Variants in CLCC1 observed in about 807,000 individuals in gnomAD.
CLCC1 encodes the protein chloride channel CLIC-like protein 1.
A neutral mutation model predicts 63.3 loss-of-function variants in CLCC1; 39 were observed. That is an observed-to-expected ratio of 0.62 (90% CI 0.48 to 0.81). The LOEUF (loss-of-function observed/expected upper bound fraction) is 0.81, where lower values mean the gene tolerates loss of function less well. Among genes scored for constraint, CLCC1 ranks in the 30% least tolerant of loss-of-function variants. The probability of loss-of-function intolerance (pLI) is 0.00; values close to 1 mark genes in which losing one functional copy is unlikely to be tolerated. For missense variants in CLCC1, 549 were observed against 669.4 expected, an observed-to-expected ratio of 0.82 and a Z score of 1.98; for synonymous variants, 217 against 239.8, an observed-to-expected ratio of 0.90 and a Z score of 0.88.
rs1014518280 is a variant in CLCC1, at chr1:108,963,435, C to T, written c.-247G>A. 2.8e-6 allele frequency: 2 copies of T among 702,336 alleles called. No homozygotes were observed. Among genetic ancestry groups the T allele is most frequent in the African/African-American group, 3.5e-5 (2 of 57,268 alleles). 43.5% of individuals were successfully genotyped at this position (702,336 alleles called of 1,614,324 possible). The stretch of plus-strand genomic sequence containing the variant: ...CCGCAGAAGAGGTCGCACAGCTTGC[C>T]GCCGCCCAGGGTTTCAGCGTGCTTC... On this transcript the variant is annotated 5_prime_UTR_variant, in exon 1 of 13. Coordinates refer to ENST00000369969, the MANE Select transcript of CLCC1 (RefSeq NM_001377458.1).
Position 108,949,819 on chromosome 1 carries a change from C to T in CLCC1, c.231+1G>A. ...TAAAATTTATCAATAAAAAAACTAA[C>T]CTTATAAGTTAAAGAATCAAGTTTG... On this transcript the variant is annotated splice_donor_variant, in intron 4 of 12. Coordinates refer to ENST00000369969, the MANE Select transcript of CLCC1 (RefSeq NM_001377458.1). LOFTEE classifies it high-confidence loss of function. 1 of 1,512,936 alleles carries T rather than the reference C, an allele frequency of 6.6e-7. No individual in the cohort carries two copies. Among genetic ancestry groups the T allele is most frequent in the South Asian group, 1.3e-5 (1 of 78,042 alleles). 93.7% of individuals were successfully genotyped at this position (1,512,936 alleles called of 1,614,324 possible).
chr1:108,938,394 A>T (rs1181329187), intron 10 of CLCC1, among the ~76,000 whole-genome samples: 1 of 152,190 alleles, frequency 6.6e-6, no homozygotes, highest in Non-Finnish European at 1.5e-5. Flanking sequence ...CTATAGAACT[A>T]ATGTCACCTA....
chr1:108,947,711 T>C lies in CLCC1; in HGVS notation c.239A>G (p.Glu80Gly). The C allele has an allele frequency of 6.3e-7, 1 of 1,599,332 alleles. No individual in the cohort carries two copies. The change falls in exon 5 of 13, where the codon GAG becomes GGG. Residue 80 changes from glutamate to glycine, a missense_variant. Coordinates refer to ENST00000369969, the MANE Select transcript of CLCC1 (RefSeq NM_001377458.1). ...GTCTTCCCTCTTTTTCTTTTCACAC[T>C]CATCAATCTGTAACCATAAAATCAA... ...KLDSLTYKID[E>G]CEKKKREDYE...
In CLCC1 at chr1:108,930,059, T is replaced by C; in HGVS notation, c.*2488A>G. ...AGCTTAAAATATTTTTAGAATGATGTAAATAGTTAACCTTCAGTAGTCTAT... is the reference window on the plus strand; with the variant it reads ...AGCTTAAAATATTTTTAGAATGATGCAAATAGTTAACCTTCAGTAGTCTAT... On this transcript the variant is annotated 3_prime_UTR_variant, in exon 13 of 13. Coordinates refer to ENST00000369969, the MANE Select transcript of CLCC1 (RefSeq NM_001377458.1). The C allele has an allele frequency of 1.1e-6, 1 of 942,042 alleles. No individual in the cohort carries two copies. Among genetic ancestry groups the C allele is most frequent in the Non-Finnish European group, 1.6e-6 (1 of 619,668 alleles). The allele number at this position is 942,042 out of a possible 1,614,324, so 58.4% of individuals were successfully genotyped here.
chr1:108,949,222 T>C (rs1419159603), intron 4 of CLCC1, among the ~76,000 whole-genome samples: 1 of 152,190 alleles, frequency 6.6e-6, no homozygotes, highest in Non-Finnish European at 1.5e-5. Flanking sequence ...ATTCCAGGCC[T>C]CACCTCCTTA....
intron 7 of CLCC1, among the ~76,000 whole-genome samples, chr1:108,942,743 C>T (rs1415613768): frequency 6.6e-6 from 1 of 152,110 alleles, no homozygotes; most frequent in Non-Finnish European, 1.5e-5. Context: ...AAATTAATTT[C>T]CTTGTATCTG....
intron 2 of CLCC1, among the ~76,000 whole-genome samples, chr1:108,955,513 T>C (rs1178338544): frequency 1.3e-5 from 2 of 151,208 alleles, no homozygotes; most frequent in East Asian, 3.9e-4. Flanking sequence ...TTCAAGAGGG[T>C]CGCCTGCTTC....
rs372170284 is a variant in CLCC1, at chr1:108,939,800, C to G, written c.895-18G>C. The G allele has an allele frequency of 1.9e-5, 30 of 1,610,256 alleles. No individual in the cohort carries two copies. The African/African-American group carries it at 3.9e-4, about 21-fold the overall frequency. On this transcript the variant is annotated intron_variant, in intron 9 of 12. Coordinates refer to ENST00000369969, the MANE Select transcript of CLCC1 (RefSeq NM_001377458.1). ...GCAAGTGCCTAAAACGAGAGAAAAG[C>G]AACTTAATTTTCTCCTCACAGGACT...
chr1:108,931,209 C>A lies in CLCC1; in HGVS notation c.*1338G>T. ...GTGGTTAGGTCAAGAACCTAGGACACATAAACAAACAGAAAACAGATGAAA... is the reference window on the plus strand; with the variant it reads ...GTGGTTAGGTCAAGAACCTAGGACAAATAAACAAACAGAAAACAGATGAAA... On this transcript the variant is annotated 3_prime_UTR_variant, in exon 13 of 13. Coordinates refer to ENST00000369969, the MANE Select transcript of CLCC1 (RefSeq NM_001377458.1). The A allele has an allele frequency of 1.6e-6, 2 of 1,231,286 alleles. No homozygotes were observed. The highest frequency in any genetic ancestry group is 1.1e-6 in the Non-Finnish European group (1 of 914,234). The allele number at this position is 1,231,286 out of a possible 1,614,324, so 76.3% of individuals were successfully genotyped here. A position where few individuals can be genotyped will look rare whatever the true frequency, so the allele number is the denominator to read the frequency against.
At chr1:108,947,816 G>T in intron 4 of CLCC1, 98 bp from the exon 5 acceptor site, 1 of 788,404 alleles carries the variant, frequency 1.3e-6, no homozygotes, top group Non-Finnish European at 2.0e-6. Context: ...AAGGTAAGGA[G>T]CTAGTTGTTT....
intron 2 of CLCC1, among the ~76,000 whole-genome samples, chr1:108,957,856 A>C (rs529980994): frequency 6.6e-6 from 1 of 151,564 alleles, no homozygotes; most frequent in South Asian, 2.1e-4. Context: ...GGTTTAAAAG[A>C]GATGATCTGG....
chr1:108,943,452 A>G, intron 7 of CLCC1, 23 bp downstream of exon 7: 1 of 1,601,488 alleles, frequency 6.2e-7, no homozygotes, highest in Non-Finnish European at 8.5e-7. Context: ...TTAAAATTGT[A>G]AAACCCTCCA....
At position 108,952,397 on chromosome 1, in the gene CLCC1, C is replaced by T. The variant is rs181657850; in HGVS notation, c.-11-1949G>A. ...TTCTCCATGTTGGTCAGGCTGGTCT[C>T]GAACTCCCGACCTCCACCCCACCTT... On this transcript the variant is annotated intron_variant, in intron 2 of 12. Transcript: ENST00000369969. 1.7e-3 allele frequency among the ~76,000 whole-genome samples: 252 copies of T among 152,096 alleles called. 3 individuals are homozygous for T. The highest frequency in any genetic ancestry group is 8.0e-4 in the African/African-American group (33 of 41,502).
chr1:108,960,126 C>A (rs960239247), intron 2 of CLCC1, among the ~76,000 whole-genome samples: 2 of 151,990 alleles, frequency 1.3e-5, no homozygotes, highest in Non-Finnish European at 2.9e-5. Flanking sequence ...AGAGCAAGAC[C>A]CTGACTCAAT....
At position 108,943,510 on chromosome 1, in the gene CLCC1, AC is replaced by A; in HGVS notation, c.666del (p.Phe223SerfsTer13). 1 of 1,614,138 alleles carries A rather than the reference AC, an allele frequency of 6.2e-7. No homozygotes were observed. The highest frequency in any genetic ancestry group is 8.5e-7 in the Non-Finnish European group (1 of 1,180,002). On this transcript the variant is annotated frameshift_variant, in exon 7 of 13. Transcript: ENST00000369969. LOFTEE classifies it high-confidence loss of function. ...QLRRVLIISF[L>X]FSLGWNWMYL... ...TACATCCAATTCCATCCCAAACTGA[AC>A]AGAAAGCTGATGATTAAAACACGTC... is the stretch of plus-strand genomic sequence containing the variant.
At chr1:108,943,058 C>T (rs1226600332) in intron 7 of CLCC1, among the ~76,000 whole-genome samples, 3 of 152,018 alleles carry the variant, frequency 2.0e-5, no homozygotes, top group South Asian at 4.2e-4. Context: ...TACAGGTGCA[C>T]GTCACCAGGC....
Position 108,950,177 on chromosome 1 carries a change from A to G in CLCC1, c.129+132T>C. The G allele has an allele frequency of 3.1e-6, 3 of 953,228 alleles. No homozygotes were observed. In the East Asian group the frequency reaches 7.9e-5, roughly 25 times the overall value. 59.0% of individuals were successfully genotyped at this position (953,228 alleles called of 1,614,324 possible). On this transcript the variant is annotated intron_variant, in intron 3 of 12. Transcript: ENST00000369969. ...GAAATAATTTTAGATTAACAGTGTC[A>G]AGAAAATATTCTGCATAATTGCTAA...
chr1:108,935,870 C>T (rs933612751), intron 11 of CLCC1, among the ~76,000 whole-genome samples: 1 of 152,044 alleles, frequency 6.6e-6, no homozygotes, highest in African/African-American at 2.4e-5. Context: ...GTTCAAGGAA[C>T]AGTCAGGAGC....
At position 108,939,722 on chromosome 1, in the gene CLCC1, T is replaced by C. The variant is rs748271526; in HGVS notation, c.955A>G (p.Thr319Ala). Residue 319 changes from threonine (T) to alanine (A), a missense_variant, in exon 10 of 13, where the codon ACT becomes GCT. Thr to Ala is a moderately conservative substitution (Grantham distance 58). Transcript: ENST00000369969. ...TEPLKHIGKG[T>A]GEFIKALMKE... ...ATGAGTGCTTTAATAAATTCCCCAG[T>C]TCCTTTTCCAATATGCTTCAATGGC... 1.2e-6 allele frequency: 2 copies of C among 1,614,062 alleles called. No homozygotes were observed. The highest frequency in any genetic ancestry group is 2.7e-5 in the African/African-American group (2 of 74,926).
Sources: gnomAD v4.1 joint callset for allele counts (sites outside exome capture counted in the v4.1 genomes callset) on GRCh38, gnomAD v4.1.1 for gene constraint, MANE v1.5 for transcripts, NCBI Gene and HGNC (gene_info 2026-07-23, HGNC 2026-07-21) for gene names.